The following ANKRD27 variants were observed in gnomAD, a reference collection of about 807,000 sequenced individuals.
ANKRD27 encodes the protein ankyrin repeat domain-containing protein 27.
In ANKRD27, 112 loss-of-function variants were observed where a neutral mutation model predicts 129.7. That is an observed-to-expected ratio of 0.86 (90% CI 0.74 to 1.01). The LOEUF is 1.01. Among genes scored for constraint, ANKRD27 ranks in the 50% least tolerant of loss-of-function variants. The pLI, the probability that ANKRD27 is intolerant of heterozygous loss-of-function variation, is 0.00. For missense variants in ANKRD27, 1,258 were observed against 1,300.5 expected, an observed-to-expected ratio of 0.97 and a Z score of 0.50; for synonymous variants, 516 against 511.2, an observed-to-expected ratio of 1.01 and a Z score of -0.13.
At chr19:32,620,127 C>T (rs1007161370) in intron 18 of ANKRD27, among the ~76,000 whole-genome samples, 4 of 152,040 alleles carry the variant, frequency 2.6e-5, no homozygotes, top group Non-Finnish European at 5.9e-5. Flanking sequence ...CAGAAAGCTG[C>T]GACCTTGGCA....
chr19:32,673,320 C>G (rs1967908302), intron 1 of ANKRD27: 1 of 985,798 alleles, frequency 1.0e-6, no homozygotes, highest in Admixed American at 6.1e-5. Context: ...TGCTCCCATC[C>G]TGCATCCCCT....
In ANKRD27 at chr19:32,642,094, G is replaced by A. The variant is rs1967212754; in HGVS notation, c.834C>T (p.Thr278=). The A allele has an allele frequency of 6.2e-7, 1 of 1,610,850 alleles. No individual in the cohort carries two copies. Residue 278 remains threonine, a synonymous_variant, in exon 10 of 29, where the codon ACC becomes ACT. Transcript: ENST00000306065. The part of the protein sequence containing the change: ...KRELAQLNKC[T]SPQQKLVCLR... ...AGCAGACAAGCTTCTGCTGTGGGGA[G>A]GTGCATTTGTTCAGCTGAGCCAGCT... is the stretch of plus-strand genomic sequence containing the variant.
In ANKRD27 at chr19:32,644,514, G is replaced by A. The variant is rs145585972; in HGVS notation, c.371-35C>T. On this transcript the variant is annotated intron_variant, in intron 4 of 28. Transcript: ENST00000306065. Reference sequence around the variant, plus strand: ...AAACAAACAGGTCAGGCCGGCTGAAGCCTCTGCTGGTTCCTGACTCTGTCC... The same window carrying A: ...AAACAAACAGGTCAGGCCGGCTGAAACCTCTGCTGGTTCCTGACTCTGTCC... The A allele has an allele frequency of 1.9e-6, 3 of 1,604,824 alleles. No homozygotes were observed. The African/African-American group carries it at 4.0e-5, about 21-fold the overall frequency.
intron 3 of ANKRD27, among the ~76,000 whole-genome samples, chr19:32,646,889 G>A (rs1266299044): frequency 2.0e-5 from 3 of 152,066 alleles, no homozygotes; most frequent in South Asian, 2.1e-4. Flanking sequence ...GCAGTGGTGC[G>A]ACCTCGGCTC....
intron 2 of ANKRD27, among the ~76,000 whole-genome samples, chr19:32,656,028 GAAGAAAAGA>G (rs137913576): frequency 5.3e-4 from 63 of 119,964 alleles, no homozygotes; most frequent in Non-Finnish European, 6.9e-4. Context: ...AAAAAAAAAA[GAAGAAAAGA>G]AAGAAAAGAA....
intron 17 of ANKRD27, among the ~76,000 whole-genome samples, chr19:32,624,359 T>C (rs1599746903): frequency 7.8e-6 from 1 of 128,642 alleles, no homozygotes; most frequent in East Asian, 2.5e-4. Context: ...AGAGCAAGAC[T>C]CCGTCTCAAA....
In ANKRD27 at chr19:32,642,006, C is replaced by T; in HGVS notation, c.904+18G>A. ...TGTAGCATCTACCCCTTGGCCAGTCCCCTTTCCAAGCACAAACCTCTCTGG... is the reference window on the plus strand; with the variant it reads ...TGTAGCATCTACCCCTTGGCCAGTCTCCTTTCCAAGCACAAACCTCTCTGG... On this transcript the variant is annotated intron_variant, in intron 10 of 28. Coordinates refer to ENST00000306065, the MANE Select transcript of ANKRD27 (RefSeq NM_032139.3). 11 of 1,561,612 alleles carry T rather than the reference C, an allele frequency of 7.0e-6. No homozygotes were observed. The highest frequency in any genetic ancestry group is 8.7e-6 in the Non-Finnish European group (10 of 1,149,190).
In ANKRD27 at chr19:32,619,371, C is replaced by A; in HGVS notation, c.1896G>T (p.Val632=). ...ERRQKSSEAP[V]QSPQRSVDSI... ...AGTCCACGGAGCGCTGCGGGGACTG[C>A]ACAGGGGCCTGCAGCCAAGGAGCCC... Residue 632 remains valine, a synonymous_variant, in exon 20 of 29, where the codon GTG becomes GTT. Transcript: ENST00000306065. 1 of 1,613,744 alleles carries A rather than the reference C, an allele frequency of 6.2e-7. No homozygotes were observed. The highest frequency in any genetic ancestry group is 1.7e-5 in the Admixed American group (1 of 60,018).
In ANKRD27 at chr19:32,642,145, G is replaced by A; in HGVS notation, c.783C>T (p.Ser261=). ...QKDIGVKPEF[S]FNIPRAKREL... is the part of the protein sequence containing the mutation. ...CTCTTTTGGCACGAGGTATGTTAAA[G>A]CTGTAAAATAATTTGGAAAGTGACA... Residue 261 remains serine (S), a splice_region_variant and synonymous_variant, in exon 10 of 29, where the codon AGC becomes AGT. Transcript: ENST00000306065. 3.2e-6 allele frequency: 5 copies of A among 1,583,896 alleles called. No homozygotes were observed. The highest frequency in any genetic ancestry group is 4.3e-6 in the Non-Finnish European group (5 of 1,160,722).
intron 2 of ANKRD27, among the ~76,000 whole-genome samples, chr19:32,652,358 G>A (rs1190203298): frequency 6.6e-6 from 1 of 152,194 alleles, no homozygotes; most frequent in Non-Finnish European, 1.5e-5. Flanking sequence ...GGGAGGCTGA[G>A]GCAGGTGGAT....
In ANKRD27 at chr19:32,648,270, GA is replaced by G. The variant is rs201748086; in HGVS notation, c.213+1411del. Among the ~76,000 whole-genome samples the G allele has an allele frequency of 8.2e-4, 120 of 146,714 alleles. 1 individual carries two copies. Among genetic ancestry groups the G allele is most frequent in the African/African-American group, 2.7e-3 (110 of 40,078 alleles). ...GACAGAGTGAGACTCCGCCTCAAAA[GA>G]AAAAAAAAATGTAGTGTGTGATTCT... On this transcript the variant is annotated intron_variant, in intron 3 of 28. Coordinates refer to ENST00000306065, the MANE Select transcript of ANKRD27 (RefSeq NM_032139.3).
chr19:32,602,176 T>A (rs746575949), intron 25 of ANKRD27, 50 bp from the exon 26 acceptor site: 1 of 1,184,570 alleles, frequency 8.4e-7, no homozygotes, highest in Non-Finnish European at 1.2e-6. Flanking sequence ...TCTTTTTTAA[T>A]AGGTTATTAT....
chr19:32,652,593 T>C (rs905631168), intron 2 of ANKRD27, among the ~76,000 whole-genome samples: 6 of 147,480 alleles, frequency 4.1e-5, no homozygotes, highest in East Asian at 2.1e-4. Flanking sequence ...GGGTGTGGGG[T>C]TGGGGGAAAG....
In ANKRD27 at chr19:32,667,411, CTG is replaced by C. The variant is rs908426906; in HGVS notation, c.-31+7658_-31+7659del. On this transcript the variant is annotated intron_variant, in intron 1 of 28. Coordinates refer to ENST00000306065, the MANE Select transcript of ANKRD27 (RefSeq NM_032139.3). ...TTACTTTTGTAGAAATGGAGTCTCG[CTG>C]TGTTGCCCAGGGTGGTCTTGAACTC... Among the ~76,000 whole-genome samples the C allele has an allele frequency of 7.2e-5, 11 of 152,160 alleles. 1 individual carries two copies.
chr19:32,633,106 C>T (rs770506823), intron 12 of ANKRD27, among the ~76,000 whole-genome samples: 4 of 152,098 alleles, frequency 2.6e-5, no homozygotes, highest in Non-Finnish European at 4.4e-5. Flanking sequence ...GCACTCTTTC[C>T]GCAACTCTGG....
At chr19:32,657,031 T>C (rs1967551286) in intron 2 of ANKRD27, among the ~76,000 whole-genome samples, 1 of 151,994 alleles carries the variant, frequency 6.6e-6, no homozygotes, top group South Asian at 2.1e-4. Context: ...GAAATATGAA[T>C]CACAAAACTA....
chr19:32,673,526 T>C, intron 1 of ANKRD27: 1 of 852,182 alleles, frequency 1.2e-6, no homozygotes, highest in Non-Finnish European at 1.4e-6. Context: ...ATCTGGCCTC[T>C]GGCCACCTTT....
chr19:32,640,184 C>T lies in ANKRD27; in HGVS notation c.983+123G>A, dbSNP rs533479754. 106 of 633,886 alleles carry T rather than the reference C, an allele frequency of 1.7e-4. No homozygotes were observed. In the East Asian group the frequency reaches 1.9e-3, roughly 11 times the overall value. 39.3% of individuals were successfully genotyped at this position (633,886 alleles called of 1,614,324 possible). On this transcript the variant is annotated intron_variant, in intron 11 of 28. Transcript: ENST00000306065. ...TTCACCGTGTTAGCCAGGATGGTCT[C>T]GATCTCCTGACCTCGTGATCCGCCC...
At chr19:32,639,246 A>C in intron 12 of ANKRD27, 110 bp downstream of exon 12, 5 of 1,369,338 alleles carry the variant, frequency 3.7e-6, no homozygotes, top group Non-Finnish European at 5.1e-6. Flanking sequence ...CTGAGGCCCC[A>C]TTCCTGGGAG....
Sources: gnomAD v4.1 joint callset for allele counts (sites outside exome capture counted in the v4.1 genomes callset) on GRCh38, gnomAD v4.1.1 for gene constraint, MANE v1.5 for transcripts, NCBI Gene and HGNC (gene_info 2026-07-23, HGNC 2026-07-21) for gene names.